The following DNHD1 variants were observed in gnomAD, a reference collection of about 807,000 sequenced individuals.
DNHD1 encodes the protein dynein heavy chain domain 1.
Under a neutral mutation model 458.1 loss-of-function variants are expected in DNHD1, and 383 were observed. The observed-to-expected ratio is 0.84, with a 90% CI of 0.77 to 0.91. The LOEUF (loss-of-function observed/expected upper bound fraction) is 0.91. Among genes scored for constraint, DNHD1 ranks in the 40% least tolerant of loss-of-function variants. DNHD1 has a pLI of 0.00. For missense variants in DNHD1, 5,336 were observed against 5,866.1 expected (o/e 0.91, Z 2.95); for synonymous variants, 2,203 against 2,376.9 (o/e 0.93, Z 2.13).
At chr11:6,511,239 TG>T in intron 6 of DNHD1, 33 bp from the exon 7 acceptor site, 1 of 1,608,598 alleles carries the variant, frequency 6.2e-7, no homozygotes, top group Middle Eastern at 1.7e-4. Flanking sequence ...AGGATTGGGA[TG>T]CCAGCTCTGA....
Position 6,570,252 on chromosome 11 carries a change from G to C in DNHD1, c.12961G>C (p.Val4321Leu), listed in dbSNP as rs1380284851. 3.1e-6 allele frequency: 5 copies of C among 1,613,616 alleles called. No individual in the cohort carries two copies. The highest frequency in any genetic ancestry group is 4.2e-6 in the Non-Finnish European group (5 of 1,179,788). Residue 4321 changes from valine (V) to leucine (L), a missense_variant, in exon 41 of 43, where the codon GTT becomes CTT. Physicochemically the swap from Val to Leu is conservative, Grantham distance 32. Coordinates refer to ENST00000254579, the MANE Select transcript of DNHD1 (RefSeq NM_144666.3). Reference sequence around the variant, plus strand: ...GACTCTAACCTCATCTTCAGCTTCAGTTTTCTACGGGGGTCCTCTGGGGGA... The same window carrying C: ...GACTCTAACCTCATCTTCAGCTTCACTTTTCTACGGGGGTCCTCTGGGGGA... ...RAAMQELAAS[V>L]FYGGPLGDTE... is the part of the protein sequence containing the mutation.
rs772378743 is a variant in DNHD1, at chr11:6,515,778, CATTT to C, written c.1393-3821_1393-3818del. On this transcript the variant is annotated intron_variant, in intron 7 of 42. Transcript: ENST00000254579. Reference sequence around the variant, plus strand: ...GTTTTATTCAAATATTCTATAGACACATTTTTTTTTTTTTTTTTTTTTTTGAGTC... The same window carrying C: ...GTTTTATTCAAATATTCTATAGACACTTTTTTTTTTTTTTTTTTTTGAGTC... Among the ~76,000 whole-genome samples the C allele has an allele frequency of 1.9e-3, 255 of 137,530 alleles. 1 individual carries two copies. Among genetic ancestry groups the C allele is most frequent in the African/African-American group, 6.9e-3 (248 of 35,746 alleles). 90.2% of individuals were successfully genotyped at this position (137,530 alleles called of 152,430 possible).
In DNHD1 at chr11:6,556,940, C is replaced by T. The variant is rs753030219; in HGVS notation, c.7645C>T (p.Arg2549Cys). The T allele has an allele frequency of 2.1e-5, 32 of 1,551,700 alleles. No individual in the cohort carries two copies. The Admixed American group carries it at 2.2e-4, about 10-fold the overall frequency. ...GCCTATCATTCAGGCTTGGCTTGAG[C>T]GTTTCCCTTCTGTGGAACGGGAGCG... The part of the protein sequence containing the change: ...HVPIIQAWLE[R>C]FPSVERERAL... Residue 2549 changes from arginine to cysteine, a missense_variant, in exon 25 of 43, where the codon CGT becomes TGT. Physicochemically the swap from Arg to Cys is radical, Grantham distance 180. Around this residue, in one of 4 missense-constraint regions of DNHD1, gnomAD observed 3,932 missense variants for 4,365.6 expected, o/e 0.90. Coordinates refer to ENST00000254579, the MANE Select transcript of DNHD1 (RefSeq NM_144666.3).
chr11:6,545,766 G>A lies in DNHD1; in HGVS notation c.4827G>A (p.Leu1609=). 1 of 1,551,706 alleles carries A rather than the reference G, an allele frequency of 6.4e-7. No homozygotes were observed. ...FHWVRQLKYH[L]GSPHIIPKSP... is the part of the protein sequence containing the mutation. ...GGGTCCGCCAACTCAAGTATCACTTGGGTTCACCTCACATAATCCCCAAAA... is the reference window on the plus strand; with the variant it reads ...GGGTCCGCCAACTCAAGTATCACTTAGGTTCACCTCACATAATCCCCAAAA... Residue 1609 remains leucine (L), a synonymous_variant, in exon 21 of 43, where the codon TTG becomes TTA. Transcript: ENST00000254579. This position sits in a 1 kb window ranked among gnomAD's most constrained non-coding sequence, Gnocchi z 4.9.
At chr11:6,560,099 C>T (rs1457809654) in intron 28 of DNHD1, among the ~76,000 whole-genome samples, 1 of 152,158 alleles carries the variant, frequency 6.6e-6, no homozygotes, top group African/African-American at 2.4e-5. Context: ...AACTAAAGAG[C>T]AGTTTTGTTT....
Position 6,558,899 on chromosome 11 carries a change from C to T in DNHD1, c.9212-3C>T, listed in dbSNP as rs766133962. On this transcript the variant is annotated splice_polypyrimidine_tract_variant and splice_region_variant and intron_variant, in intron 26 of 42. Transcript: ENST00000254579. ...AGTGAGGCTAAAGCCATGCCCATTG[C>T]AGGCTCCTGGAAGTACCCAGACCTC... 5.8e-6 allele frequency: 9 copies of T among 1,551,504 alleles called. No homozygotes were observed. The highest frequency in any genetic ancestry group is 1.2e-5 in the South Asian group (1 of 84,064).
intron 28 of DNHD1, among the ~76,000 whole-genome samples, chr11:6,562,732 C>T (rs1305157217): frequency 6.6e-6 from 1 of 152,144 alleles, no homozygotes; most frequent in Non-Finnish European, 1.5e-5. Flanking sequence ...AACTGTTACA[C>T]GCATAGTCTT....
intron 3 of DNHD1, among the ~76,000 whole-genome samples, chr11:6,502,251 T>C (rs962438041): frequency 2.0e-5 from 3 of 151,940 alleles, no homozygotes; most frequent in Admixed American, 6.6e-5. Flanking sequence ...GGTTGGGTGA[T>C]GGTAGGGGAA....
chr11:6,503,700 C>T (rs900656689), intron 4 of DNHD1: 1 of 152,138 alleles, frequency 6.6e-6, no homozygotes, highest in Non-Finnish European at 1.5e-5. Context: ...TGTTGCCAGG[C>T]TGGTCTCAAA....
Position 6,529,004 on chromosome 11 carries a change from G to T in DNHD1, c.2230G>T (p.Val744Leu). The change falls in exon 12 of 43, where the codon GTG becomes TTG. Residue 744 changes from valine to leucine, a missense_variant. Physicochemically the swap from Val to Leu is conservative, Grantham distance 32. Around this residue, in one of 4 missense-constraint regions of DNHD1, gnomAD observed 3,932 missense variants for 4,365.6 expected, o/e 0.90. Transcript: ENST00000254579. ...GAGAGGTGGTCCCATCAAGAACTAC[G>T]TGACGCTGGTGAGCCGCCTGAATGT... ...DMRGGPIKNY[V>L]TLVSRLNVWQ... 6.4e-7 allele frequency: 1 copy of T among 1,551,558 alleles called. No homozygotes were observed. Among genetic ancestry groups the T allele is most frequent in the South Asian group, 1.2e-5 (1 of 84,052 alleles).
chr11:6,533,267 C>G, intron 13 of DNHD1, 83 bp downstream of exon 13: 2 of 1,377,074 alleles, frequency 1.5e-6, no homozygotes, highest in Non-Finnish European at 2.0e-6. Flanking sequence ...CAGGTCTCTG[C>G]TGAGCCCCCA....
intron 35 of DNHD1, 30 bp downstream of exon 35, chr11:6,566,795 A>C: frequency 6.2e-7 from 1 of 1,604,266 alleles, no homozygotes; most frequent in Non-Finnish European, 8.5e-7. Context: ...GTGGGTTGAG[A>C]TGAGCATTGG....
chr11:6,544,012 C>A, intron 18 of DNHD1, 109 bp from the exon 19 acceptor site: 6 of 631,746 alleles, frequency 9.5e-6, no homozygotes, highest in Non-Finnish European at 1.5e-5. Flanking sequence ...GAAAGGGCAT[C>A]AGGGTCTCTG....
Position 6,566,003 on chromosome 11 carries a change from T to TGGGCCCC in DNHD1, c.11053+12_11053+13insGGGCCCC. Reference sequence around the variant, plus strand: ...GGCAGCTGCTTGTGGTGAGAGCTGGTCCCCACCCACCCTGGCCCCTTTTTG... The same window carrying TGGGCCCC: ...GGCAGCTGCTTGTGGTGAGAGCTGGTGGGCCCCCCCCACCCACCCTGGCCCCTTTTTG... On this transcript the variant is annotated intron_variant, in intron 33 of 42. Coordinates refer to ENST00000254579, the MANE Select transcript of DNHD1 (RefSeq NM_144666.3). The TGGGCCCC allele has an allele frequency of 6.6e-7, 1 of 1,509,068 alleles. No individual in the cohort carries two copies. Among genetic ancestry groups the TGGGCCCC allele is most frequent in the South Asian group, 1.2e-5 (1 of 83,036 alleles). The allele number at this position is 1,509,068 out of a possible 1,614,324, so 93.5% of individuals were successfully genotyped here. A position where few individuals can be genotyped will look rare whatever the true frequency, so the allele number is the denominator to read the frequency against.
chr11:6,528,438 C>A (rs4296019), intron 10 of DNHD1, 84 bp from the exon 11 acceptor site: 19 of 1,058,908 alleles, frequency 1.8e-5, no homozygotes, highest in Middle Eastern at 2.5e-4. Flanking sequence ...TGTGTGTGTA[C>A]ACACACTGAG....
In DNHD1 at chr11:6,528,981, G is replaced by C. The variant is rs999687377; in HGVS notation, c.2207G>C (p.Arg736Thr). The C allele has an allele frequency of 1.2e-5, 18 of 1,551,660 alleles. No homozygotes were observed. Among genetic ancestry groups the C allele is most frequent in the Non-Finnish European group, 1.5e-5 (17 of 1,146,990 alleles). Reference sequence around the variant, plus strand: ...GGGCCTCAGAAGCTGGAAGACATGAGAGGTGGTCCCATCAAGAACTACGTG... The same window carrying C: ...GGGCCTCAGAAGCTGGAAGACATGACAGGTGGTCCCATCAAGAACTACGTG... ...SWGPQKLEDM[R>T]GGPIKNYVTL... The change falls in exon 12 of 43, where the codon AGA (arginine) becomes ACA (threonine). Residue 736 changes from arginine to threonine, a missense_variant. By Grantham distance (71) the Arg-to-Thr change is moderately conservative. Around this residue, in one of 4 missense-constraint regions of DNHD1, gnomAD observed 3,932 missense variants for 4,365.6 expected, o/e 0.90. Transcript: ENST00000254579.
chr11:6,548,108 C>T lies in DNHD1; in HGVS notation c.6905+68C>T. ...TGGACTGGCCCATGGAAGTAAAAAC[C>T]CACATGACATCACTGTTAGGGTATG... is the stretch of plus-strand genomic sequence containing the variant. On this transcript the variant is annotated intron_variant, in intron 22 of 42. Coordinates refer to ENST00000254579, the MANE Select transcript of DNHD1 (RefSeq NM_144666.3). This position sits in a 1 kb window ranked among gnomAD's most constrained non-coding sequence, Gnocchi z 4.4. The T allele has an allele frequency of 6.5e-7, 1 of 1,547,196 alleles. No homozygotes were observed. The highest frequency in any genetic ancestry group is 2.4e-5 in the East Asian group (1 of 40,860).
Position 6,528,938 on chromosome 11 carries a change from G to A in DNHD1, c.2164G>A (p.Glu722Lys). 1 of 1,551,716 alleles carries A rather than the reference G, an allele frequency of 6.4e-7. No individual in the cohort carries two copies. The highest frequency in any genetic ancestry group is 8.7e-7 in the Non-Finnish European group (1 of 1,146,996). The change falls in exon 12 of 43, where the codon GAA (glutamate) becomes AAA (lysine). Residue 722 changes from glutamate to lysine, a missense_variant. Physicochemically the swap from Glu to Lys is moderately conservative, Grantham distance 56. Transcript: ENST00000254579. ...ACATCATTGGATAACAGGCATTTAT[G>A]AATTCCTGCAATCCTGGGGGCCTCA... ...REHHWITGIYEFLQSWGPQKL... is the reference protein window; with the variant it reads ...REHHWITGIYKFLQSWGPQKL...
In DNHD1 at chr11:6,540,043, G is replaced by T; in HGVS notation, c.3588G>T (p.Trp1196Cys). 6.4e-7 allele frequency: 1 copy of T among 1,551,734 alleles called. No homozygotes were observed. The highest frequency in any genetic ancestry group is 8.7e-7 in the Non-Finnish European group (1 of 1,146,988). The change falls in exon 18 of 43, where the codon TGG becomes TGT. Residue 1196 changes from tryptophan to cysteine, a missense_variant. Physicochemically the swap from Trp to Cys is radical, Grantham distance 215. Around this residue, in one of 4 missense-constraint regions of DNHD1, gnomAD observed 3,932 missense variants for 4,365.6 expected, o/e 0.90. Transcript: ENST00000254579. ...SKRQVLRSPQWEVVDKDSGTF... is the reference protein window; with the variant it reads ...SKRQVLRSPQCEVVDKDSGTF... ...GGCAGGTGCTCCGCAGCCCCCAATGGGAGGTAGTGGACAAAGATAGTGGCA... is the reference window on the plus strand; with the variant it reads ...GGCAGGTGCTCCGCAGCCCCCAATGTGAGGTAGTGGACAAAGATAGTGGCA...
Sources: gnomAD v4.1 joint callset for allele counts (sites outside exome capture counted in the v4.1 genomes callset) on GRCh38, gnomAD v4.1.1 for gene constraint, gnomAD v4.1.1 regional missense constraint, Gnocchi (gnomAD v3.1) non-coding constraint, MANE v1.5 for transcripts, NCBI Gene and HGNC (gene_info 2026-07-23, HGNC 2026-07-21) for gene names.